IL17B: variants seen among roughly 807,000 people sequenced by gnomAD.
IL17B encodes interleukin 17B.
In IL17B, 14 loss-of-function variants were observed where a neutral mutation model predicts 14.7. That is an observed-to-expected ratio of 0.95 (90% CI 0.63 to 1.49). IL17B has a LOEUF of 1.49. Among genes scored for constraint, IL17B ranks in the 40% most tolerant of loss-of-function variants. IL17B has a pLI of 0.00. For synonymous variants in IL17B, 105 were observed against 94.8 expected (o/e 1.11, Z -0.62); for missense variants, 233 against 252.8 (o/e 0.92, Z 0.53).
chr5:149,383,480 C>T (rs980286007), upstream of IL17B, among the ~76,000 whole-genome samples: 6 of 152,170 alleles, frequency 3.9e-5, no homozygotes, highest in Non-Finnish European at 7.4e-5. Context: ...AGAGGCTAGT[C>T]GGCGCCTTTG....
intron 1 of IL17B, among the ~76,000 whole-genome samples, chr5:149,390,513 C>CT (rs1333369987): frequency 7.0e-6 from 1 of 143,848 alleles, no homozygotes; most frequent in Non-Finnish European, 1.5e-5. Flanking sequence ...GCCCCCACCA[C>CT]TTAAGGAAAC....
intron 1 of IL17B, among the ~76,000 whole-genome samples, chr5:149,402,558 C>G (rs1759227320): frequency 6.6e-6 from 1 of 152,038 alleles, no homozygotes; most frequent in Non-Finnish European, 1.5e-5. Context: ...AGGGAAGAGA[C>G]AACACACAAA....
chr5:149,396,279 G>T (rs968927049), intron 1 of IL17B, among the ~76,000 whole-genome samples: 2 of 152,138 alleles, frequency 1.3e-5, no homozygotes, highest in Admixed American at 6.5e-5. Context: ...ATACACATAA[G>T]CAGATATATT....
intron 1 of IL17B, among the ~76,000 whole-genome samples, chr5:149,403,402 A>AT (rs1759254189): frequency 6.6e-6 from 1 of 152,126 alleles, no homozygotes; most frequent in Non-Finnish European, 1.5e-5. Context: ...GCAGCTTTCC[A>AT]TGGTATGATG....
chr5:149,382,097 G>A (rs1324767615), upstream of IL17B, among the ~76,000 whole-genome samples: 2 of 152,234 alleles, frequency 1.3e-5, no homozygotes, highest in Non-Finnish European at 2.9e-5. Context: ...CCTGAAAAAT[G>A]TACTGACCCT....
chr5:149,376,475 C>A (rs1581382879), intron 2 of IL17B, among the ~76,000 whole-genome samples: 1 of 152,206 alleles, frequency 6.6e-6, no homozygotes, highest in African/African-American at 2.4e-5. Flanking sequence ...ACTTGAAGAA[C>A]AATGAGGGCA....
intron 1 of IL17B, among the ~76,000 whole-genome samples, chr5:149,391,555 G>A (rs1365693335): frequency 1.3e-5 from 2 of 152,206 alleles, no homozygotes; most frequent in Non-Finnish European, 2.9e-5. Flanking sequence ...CCTTGGCACA[G>A]CCTGCTGTTT....
At chr5:149,393,875 T>G (rs150434706) in intron 1 of IL17B, among the ~76,000 whole-genome samples, 32 of 152,120 alleles carry the variant, frequency 2.1e-4, no homozygotes, top group African/African-American at 7.5e-4. Context: ...TGAAAAAGAG[T>G]GTTGAGGAAT....
At chr5:149,389,913 G>A (rs564349684) in intron 1 of IL17B, among the ~76,000 whole-genome samples, 11 of 152,302 alleles carry the variant, frequency 7.2e-5, no homozygotes, top group Admixed American at 7.2e-4. Flanking sequence ...CCCTGAGCAT[G>A]GCTGAGGAGT....
At chr5:149,392,857 G>A (rs763340994) in intron 1 of IL17B, among the ~76,000 whole-genome samples, 13 of 152,180 alleles carry the variant, frequency 8.5e-5, no homozygotes, top group Non-Finnish European at 1.8e-4. Context: ...TCATCTAGAA[G>A]TGAGTCATGT....
chr5:149,379,033 A>G (rs1382065849), intron 1 of IL17B, among the ~76,000 whole-genome samples, 172 bp downstream of exon 1: 2 of 152,242 alleles, frequency 1.3e-5, no homozygotes, highest in East Asian at 1.9e-4. Flanking sequence ...ACTGCTGGCC[A>G]TGGCTACAGT....
chr5:149,382,941 G>A (rs886210528), upstream of IL17B, among the ~76,000 whole-genome samples: 2 of 152,218 alleles, frequency 1.3e-5, no homozygotes, highest in African/African-American at 4.8e-5. Context: ...GCCATGCTGG[G>A]ACAGAGGAGG....
upstream of IL17B, among the ~76,000 whole-genome samples, chr5:149,382,573 G>T (rs926164835): frequency 6.6e-6 from 1 of 152,232 alleles, no homozygotes; most frequent in Admixed American, 6.5e-5. Context: ...GGAAACTGAG[G>T]CTCAGCGTGG....
In IL17B at chr5:149,377,005, G is replaced by A. The variant is rs915585512; in HGVS notation, c.42C>T (p.Ser14=). ...TGGGCTGGCCCAGCCCCAGGAAGAT[G>A]GAAATGGTAAGAAGAAACAGCTGGG... The part of the protein sequence containing the change: ...PHNLLFLLTI[S]IFLGLGQPRS... The change falls in exon 2 of 3, where the codon TCC becomes TCT. Residue 14 remains serine (S), a synonymous_variant. Coordinates refer to ENST00000261796, the MANE Select transcript of IL17B (RefSeq NM_014443.3). The A allele has an allele frequency of 1.3e-6, 2 of 1,561,546 alleles. No individual in the cohort carries two copies. Among genetic ancestry groups the A allele is most frequent in the South Asian group, 1.2e-5 (1 of 82,018 alleles).
Position 149,374,481 on chromosome 5 carries a change from A to C in IL17B, c.431T>G (p.Phe144Cys). The C allele has an allele frequency of 6.2e-7, 1 of 1,612,892 alleles. No homozygotes were observed. The highest frequency in any genetic ancestry group is 2.2e-5 in the East Asian group (1 of 44,858). ...GCGGCGGCGCACAGGAACCTGGCTGAACACCGGCACGCTCACCATGCTGCG... is the reference window on the plus strand; with the variant it reads ...GCGGCGGCGCACAGGAACCTGGCTGCACACCGGCACGCTCACCATGCTGCG... The part of the protein sequence containing the change: ...EDRSMVSVPV[F>C]SQVPVRRRLC... Residue 144 changes from phenylalanine to cysteine, a missense_variant, in exon 3 of 3, where the codon TTC (phenylalanine) becomes TGC (cysteine). Phe to Cys is a radical substitution (Grantham distance 205). Transcript: ENST00000261796. This position sits in a 1 kb window ranked among gnomAD's most constrained non-coding sequence, Gnocchi z 5.0.
intron 1 of IL17B, among the ~76,000 whole-genome samples, chr5:149,403,002 CAAA>C (rs36121550): frequency 4.1e-4 from 25 of 60,582 alleles, no homozygotes; most frequent in African/African-American, 1.4e-3. Flanking sequence ...GACTCCATCT[CAAA>C]AAAAAAAAAA....
chr5:149,393,585 A>G (rs1561717206), intron 1 of IL17B, among the ~76,000 whole-genome samples: 1 of 152,164 alleles, frequency 6.6e-6, no homozygotes, highest in Non-Finnish European at 1.5e-5. Context: ...ATCACTTAAC[A>G]CTGTCTTCCT....
intron 1 of IL17B, among the ~76,000 whole-genome samples, chr5:149,387,689 T>A (rs1758853480): frequency 7.0e-6 from 1 of 143,240 alleles, no homozygotes; most frequent in African/African-American, 2.6e-5. Flanking sequence ...GGCGAGAGGA[T>A]CACTTGATCC....
At chr5:149,385,705 G>T (rs944952678) in intron 1 of IL17B, among the ~76,000 whole-genome samples, 2 of 152,246 alleles carry the variant, frequency 1.3e-5, no homozygotes, top group African/African-American at 4.8e-5. Flanking sequence ...TTTACAGGAC[G>T]TCTGGATTCA....
Sources: allele counts gnomAD v4.1 joint callset (sites outside exome capture counted in the v4.1 genomes callset), GRCh38; gene constraint gnomAD v4.1.1; non-coding constraint Gnocchi (gnomAD v3.1); transcripts MANE v1.5; gene names NCBI Gene and HGNC (gene_info 2026-07-23, HGNC 2026-07-21).